Variants in DTNB observed in about 807,000 individuals in gnomAD.
DTNB encodes DTN-B.
A neutral mutation model predicts 90.7 loss-of-function variants in DTNB; 63 were observed. That is an observed-to-expected ratio of 0.69 (90% CI 0.57 to 0.86). The LOEUF (loss-of-function observed/expected upper bound fraction) is 0.86. DTNB is among the 40% of genes least tolerant of loss of function. DTNB has a pLI of 0.00. For missense variants in DTNB, 744 were observed against 807.1 expected, an observed-to-expected ratio of 0.92 and a Z score of 0.95; for synonymous variants, 277 against 286.7, an observed-to-expected ratio of 0.97 and a Z score of 0.34.
chr2:25,473,289 A>G (rs2063151305), intron 10 of DTNB, among the ~76,000 whole-genome samples: 1 of 152,234 alleles, frequency 6.6e-6, no homozygotes, highest in Non-Finnish European at 1.5e-5. Flanking sequence ...TAAACATAGT[A>G]GGTCTAGGCT....
At chr2:25,523,376 A>C (rs1202311766) in intron 9 of DTNB, among the ~76,000 whole-genome samples, 1 of 152,230 alleles carries the variant, frequency 6.6e-6, no homozygotes, top group African/African-American at 2.4e-5. Flanking sequence ...GCAGTGGCTC[A>C]CGCCTGTTAT....
At chr2:25,456,097 T>C (rs1446399843) in intron 10 of DTNB, among the ~76,000 whole-genome samples, 1 of 152,238 alleles carries the variant, frequency 6.6e-6, no homozygotes, top group East Asian at 1.9e-4. Context: ...CTCTCTCTTA[T>C]AGATACATGA....
At chr2:25,635,156 G>A (rs1324772466) in intron 3 of DTNB, among the ~76,000 whole-genome samples, 3 of 152,076 alleles carry the variant, frequency 2.0e-5, no homozygotes, top group Non-Finnish European at 2.9e-5. Flanking sequence ...GAAGAGGCTG[G>A]GAGTGGTGGC....
chr2:25,468,756 C>G (rs1204077410), intron 10 of DTNB, among the ~76,000 whole-genome samples: 2 of 152,134 alleles, frequency 1.3e-5, no homozygotes, highest in Non-Finnish European at 2.9e-5. Context: ...TGTTCTTGGT[C>G]AATGACAGGG....
At chr2:25,552,448 C>G (rs2056462861) in intron 8 of DTNB, among the ~76,000 whole-genome samples, 1 of 152,238 alleles carries the variant, frequency 6.6e-6, no homozygotes, top group Non-Finnish European at 1.5e-5. Context: ...GAGACACCTC[C>G]ATCACCATGC....
chr2:25,596,022 T>G (rs1250998983), intron 6 of DTNB, 64 bp downstream of exon 6: 3 of 1,399,356 alleles, frequency 2.1e-6, no homozygotes, highest in Admixed American at 3.3e-5. Context: ...TGGCAAAATC[T>G]GTTAGAAGGT....
intron 10 of DTNB, among the ~76,000 whole-genome samples, chr2:25,459,110 G>T (rs2060524628): frequency 6.6e-6 from 1 of 151,800 alleles, no homozygotes. Context: ...ATGTGCCTTG[G>T]TATAGTTTTC....
At position 25,447,162 on chromosome 2, in the gene DTNB, T is replaced by C. The variant is rs910175565; in HGVS notation, c.1257+4386A>G. Reference sequence around the variant, plus strand: ...AGAAATCTTAAACATAGCTATTTTATAGCCAATAACTCTAATATCTAAAGC... The same window carrying C: ...AGAAATCTTAAACATAGCTATTTTACAGCCAATAACTCTAATATCTAAAGC... On this transcript the variant is annotated intron_variant, in intron 12 of 20. Coordinates refer to ENST00000406818, the MANE Select transcript of DTNB (RefSeq NM_021907.5). 3.3e-5 allele frequency among the ~76,000 whole-genome samples: 5 copies of C among 152,250 alleles called. No individual in the cohort carries two copies. The South Asian group carries it at 1.0e-3, about 31-fold the overall frequency.
At chr2:25,442,490 C>T (rs192960808) in intron 12 of DTNB, among the ~76,000 whole-genome samples, 1 of 152,246 alleles carries the variant, frequency 6.6e-6, no homozygotes, top group Admixed American at 6.5e-5. Flanking sequence ...AAAAACTTCT[C>T]GGGTGATTTC....
At chr2:25,581,686 C>CAATATTTCA (rs2061574694) in intron 6 of DTNB, among the ~76,000 whole-genome samples, 1 of 152,206 alleles carries the variant, frequency 6.6e-6, no homozygotes, top group Admixed American at 6.5e-5. Context: ...AAATTCTCCA[C>CAATATTTCA]AATATTTCAA....
intron 16 of DTNB, among the ~76,000 whole-genome samples, chr2:25,389,200 G>A (rs954290088): frequency 5.3e-5 from 8 of 152,232 alleles, no homozygotes; most frequent in Non-Finnish European, 7.3e-5. Flanking sequence ...GGAAAGAGAC[G>A]TTGTGTCAGG....
intron 1 of DTNB, among the ~76,000 whole-genome samples, chr2:25,655,306 G>T (rs114271752): frequency 6.6e-6 from 1 of 152,212 alleles, no homozygotes; most frequent in Non-Finnish European, 1.5e-5. Context: ...TAGCTGGGAT[G>T]CATGCCTCCA....
chr2:25,635,668 A>T (rs1032329575), intron 3 of DTNB, among the ~76,000 whole-genome samples: 2 of 152,192 alleles, frequency 1.3e-5, no homozygotes, highest in African/African-American at 4.8e-5. Context: ...TGTGTAAATT[A>T]TACTTGAAAA....
chr2:25,510,815 C>T (rs1360371592), intron 9 of DTNB, among the ~76,000 whole-genome samples: 1 of 152,106 alleles, frequency 6.6e-6, no homozygotes, highest in Non-Finnish European at 1.5e-5. Context: ...GCTTAAGTGC[C>T]TTTCTACAAA....
At chr2:25,389,607 C>T (rs2040507344) in intron 16 of DTNB, among the ~76,000 whole-genome samples, 1 of 152,186 alleles carries the variant, frequency 6.6e-6, no homozygotes, top group South Asian at 2.1e-4. Context: ...GGAAGGTGGA[C>T]TAGGGTTTTC....
chr2:25,653,494 T>TCTTC (rs1559398717), intron 1 of DTNB, among the ~76,000 whole-genome samples: 3 of 127,496 alleles, frequency 2.4e-5, no homozygotes, highest in South Asian at 2.5e-4. Context: ...TTTCTTTCTT[T>TCTTC]CTTTCTTTCT....
chr2:25,612,891 T>C (rs946693499), intron 4 of DTNB, among the ~76,000 whole-genome samples: 5 of 152,140 alleles, frequency 3.3e-5, no homozygotes, highest in South Asian at 2.1e-4. Context: ...ATAAACTGAA[T>C]AGACCCATAT....
At chr2:25,534,739 GAT>G (rs2079026989) in intron 8 of DTNB, among the ~76,000 whole-genome samples, 3 of 143,148 alleles carry the variant, frequency 2.1e-5, no homozygotes, top group Non-Finnish European at 3.1e-5. Flanking sequence ...CATTCCAGAC[GAT>G]GGGCGGCCGG....
rs869201592 is a variant in DTNB at position 25,420,520 on chromosome 2, A to ATCTATCTATCTATCTG, written c.1555-986_1555-985insCAGATAGATAGATAGA. ...TATCTATCTATCTATCTATCTATCT[A>ATCTATCTATCTATCTG]TCTGTCTGTCTATCGACAGAGTTTC... On this transcript the variant is annotated intron_variant, in intron 15 of 20. Transcript: ENST00000406818. Among the ~76,000 whole-genome samples the ATCTATCTATCTATCTG allele has an allele frequency of 6.6e-4, 59 of 89,260 alleles. 1 individual carries two copies. Among genetic ancestry groups the ATCTATCTATCTATCTG allele is most frequent in the African/African-American group, 1.7e-3 (55 of 32,402 alleles). The allele number at this position is 89,260 out of a possible 152,430, so 58.6% of individuals were successfully genotyped here. A position where few individuals can be genotyped will look rare whatever the true frequency, so the allele number is the denominator to read the frequency against.
Sources: gnomAD v4.1 joint callset for allele counts (sites outside exome capture counted in the v4.1 genomes callset) on GRCh38, gnomAD v4.1.1 for gene constraint, MANE v1.5 for transcripts, NCBI Gene and HGNC (gene_info 2026-07-23, HGNC 2026-07-21) for gene names.